TMEM178B: variants seen among roughly 807,000 people sequenced by gnomAD.
TMEM178B encodes transmembrane protein 178B.
In TMEM178B, 5 loss-of-function variants were observed where a neutral mutation model predicts 31.0. The ratio of observed to expected loss-of-function variants is 0.16; its 90% CI spans 0.08 to 0.34. The LOEUF (loss-of-function observed/expected upper bound fraction) is 0.34. TMEM178B is among the 10% of genes least tolerant of loss of function. The pLI is 1.00. For synonymous variants in TMEM178B, 164 were observed against 164.0 expected, an observed-to-expected ratio of 1.00 and a Z score of 0.00; for missense variants, 275 against 400.3, an observed-to-expected ratio of 0.69 and a Z score of 2.67.
chr7:141,232,122 C>G (rs1314327575), intron 2 of TMEM178B, among the ~76,000 whole-genome samples: 1 of 152,140 alleles, frequency 6.6e-6, no homozygotes, highest in Non-Finnish European at 1.5e-5. Flanking sequence ...CATCCATGTC[C>G]CTGCAAAGGA....
chr7:141,139,029 C>T (rs1401360079), intron 1 of TMEM178B, among the ~76,000 whole-genome samples: 1 of 151,456 alleles, frequency 6.6e-6, no homozygotes, highest in Non-Finnish European at 1.5e-5. Flanking sequence ...TCTTTTTATT[C>T]CTAAAATCAT....
At chr7:141,077,995 A>G (rs530070835) in intron 1 of TMEM178B, among the ~76,000 whole-genome samples, 1 of 152,322 alleles carries the variant, frequency 6.6e-6, no homozygotes, top group African/African-American at 2.4e-5. Context: ...GGTTTTAATT[A>G]TTTCCTTCTT....
At chr7:141,192,300 G>A (rs1796709253) in intron 1 of TMEM178B, among the ~76,000 whole-genome samples, 1 of 152,128 alleles carries the variant, frequency 6.6e-6, no homozygotes, top group South Asian at 2.1e-4. Context: ...GATCAGCAGA[G>A]ACACCAGAGG....
At chr7:141,097,178 A>G (rs556100756) in intron 1 of TMEM178B, among the ~76,000 whole-genome samples, 1 of 152,090 alleles carries the variant, frequency 6.6e-6, no homozygotes, top group South Asian at 2.1e-4. Flanking sequence ...ATACATGTAT[A>G]TAATAATGCA....
chr7:141,209,250 G>A (rs982993449), intron 1 of TMEM178B, among the ~76,000 whole-genome samples: 2 of 152,052 alleles, frequency 1.3e-5, no homozygotes, highest in African/African-American at 2.4e-5. Context: ...TAGTTGCCCC[G>A]GGGCTACATT....
chr7:141,304,403 G>T (rs1489720525), intron 2 of TMEM178B, among the ~76,000 whole-genome samples: 2 of 152,112 alleles, frequency 1.3e-5, no homozygotes, highest in Non-Finnish European at 2.9e-5. Flanking sequence ...CATTGCCTCT[G>T]TGCACTGCCT....
At chr7:141,366,867 T>C (rs530809362) in intron 2 of TMEM178B, among the ~76,000 whole-genome samples, 26 of 152,246 alleles carry the variant, frequency 1.7e-4, no homozygotes, top group African/African-American at 5.8e-4. Context: ...CGGCCCACAG[T>C]ATACCCTGCA....
chr7:141,428,946 C>A (rs1394727535), intron 2 of TMEM178B, among the ~76,000 whole-genome samples: 1 of 152,166 alleles, frequency 6.6e-6, no homozygotes, highest in Admixed American at 6.5e-5. Flanking sequence ...CCACTGGATT[C>A]ACTGCTGGTA....
intron 1 of TMEM178B, among the ~76,000 whole-genome samples, chr7:141,200,994 A>C (rs1796867221): frequency 6.6e-6 from 1 of 152,204 alleles, no homozygotes; most frequent in African/African-American, 2.4e-5. Flanking sequence ...GAATGACAGA[A>C]TCACGATCCA....
the TMEM178B span, among the ~76,000 whole-genome samples, chr7:141,486,009 A>G: frequency 2.6e-5 from 4 of 152,244 alleles, no homozygotes; most frequent in Non-Finnish European, 5.9e-5. Context: ...ATGTCCATCA[A>G]CAGATGATTA....
At chr7:141,124,575 C>G (rs912546455) in intron 1 of TMEM178B, among the ~76,000 whole-genome samples, 1 of 152,058 alleles carries the variant, frequency 6.6e-6, no homozygotes, top group Non-Finnish European at 1.5e-5. Context: ...TTTCGAGATC[C>G]CTTCAGAGTA....
intron 3 of TMEM178B, among the ~76,000 whole-genome samples, chr7:141,444,503 T>A (rs1563184199): frequency 6.6e-6 from 1 of 152,230 alleles, no homozygotes; most frequent in Non-Finnish European, 1.5e-5. Context: ...TTGTCTTTAT[T>A]TGAACAGTCC....
chr7:141,451,910 T>C (rs900378931), intron 3 of TMEM178B, among the ~76,000 whole-genome samples: 1 of 152,202 alleles, frequency 6.6e-6, no homozygotes, highest in African/African-American at 2.4e-5. Context: ...TGCTTACTCC[T>C]GGCTGTTCCA....
intron 2 of TMEM178B, among the ~76,000 whole-genome samples, chr7:141,393,032 G>T (rs1167025440): frequency 1.3e-5 from 2 of 152,144 alleles, no homozygotes; most frequent in African/African-American, 4.8e-5. Flanking sequence ...TGCACCAGTT[G>T]CAGCAATCTT....
chr7:141,126,144 T>C (rs918512461), intron 1 of TMEM178B, among the ~76,000 whole-genome samples: 11 of 149,656 alleles, frequency 7.4e-5, no homozygotes, highest in African/African-American at 2.7e-4. Context: ...GAGGACGTCT[T>C]GGATTGGGGT....
chr7:141,127,313 T>TA (rs1201443560), intron 1 of TMEM178B, among the ~76,000 whole-genome samples: 5 of 152,344 alleles, frequency 3.3e-5, no homozygotes, highest in Non-Finnish European at 5.9e-5. Flanking sequence ...GCTGAATGTC[T>TA]AAAAAGTTAT....
intron 1 of TMEM178B, among the ~76,000 whole-genome samples, chr7:141,154,934 T>C (rs1175921100): frequency 6.6e-6 from 1 of 152,096 alleles, no homozygotes; most frequent in Non-Finnish European, 1.5e-5. Flanking sequence ...CTCACCATAT[T>C]GGCCAGGCTG....
At chr7:141,275,014 G>C (rs919312302) in intron 2 of TMEM178B, among the ~76,000 whole-genome samples, 1 of 152,210 alleles carries the variant, frequency 6.6e-6, no homozygotes, top group East Asian at 1.9e-4. Flanking sequence ...CAATGTGGAG[G>C]TTTAGAAAAG....
rs573640527 is a variant in TMEM178B at position 141,461,984 on chromosome 7, A to T, written c.635-8552A>T. On this transcript the variant is annotated intron_variant, in intron 3 of 3. Coordinates refer to ENST00000565468, the MANE Select transcript of TMEM178B (RefSeq NM_001195278.2). This position sits in a 1 kb window ranked among gnomAD's most constrained non-coding sequence, Gnocchi z 4.0. ...GTGCTATCCCTACCTGGCACTTCTA[A>T]CATTAGCGACGCATTCCAGGGATCC... Among the ~76,000 whole-genome samples the T allele has an allele frequency of 2.0e-5, 3 of 152,202 alleles. No homozygotes were observed. The highest frequency in any genetic ancestry group is 4.4e-5 in the Non-Finnish European group (3 of 68,036).
Sources: allele counts gnomAD v4.1 joint callset (sites outside exome capture counted in the v4.1 genomes callset), GRCh38; gene constraint gnomAD v4.1.1; non-coding constraint Gnocchi (gnomAD v3.1); transcripts MANE v1.5; gene names NCBI Gene and HGNC (gene_info 2026-07-23, HGNC 2026-07-21).